Variants in SRD5A2 observed in about 807,000 individuals in gnomAD.
The protein encoded by SRD5A2 is 3-oxo-5-alpha-steroid 4-dehydrogenase 2.
A neutral mutation model predicts 27.4 loss-of-function variants in SRD5A2; 30 were observed. The observed-to-expected ratio is 1.10, with a 90% CI of 0.82 to 1.49. The LOEUF is 1.49. SRD5A2 is among the 40% of genes most tolerant of loss of function. The pLI is 0.00. For synonymous variants in SRD5A2, 141 were observed against 133.6 expected, an observed-to-expected ratio of 1.06 and a Z score of -0.38; for missense variants, 348 against 323.4, an observed-to-expected ratio of 1.08 and a Z score of -0.58.
At chr2:31,557,416 C>T (rs535225984) in intron 1 of SRD5A2, among the ~76,000 whole-genome samples, 1 of 152,332 alleles carries the variant, frequency 6.6e-6, no homozygotes, top group South Asian at 2.1e-4. Context: ...TCTATGTCTA[C>T]ACAGAGAAAT....
chr2:31,661,681 C>A, the SRD5A2 span, among the ~76,000 whole-genome samples: 1 of 152,178 alleles, frequency 6.6e-6, no homozygotes, highest in Non-Finnish European at 1.5e-5. Flanking sequence ...GTTCGGGATT[C>A]TCCAAGACTC....
the SRD5A2 span, among the ~76,000 whole-genome samples, chr2:31,594,058 G>T: frequency 6.6e-6 from 1 of 152,038 alleles, no homozygotes; most frequent in Non-Finnish European, 1.5e-5. Context: ...TCTAAATATT[G>T]AAACAAAAAC....
chr2:31,567,511 T>C (rs13395648), intron 1 of SRD5A2, among the ~76,000 whole-genome samples: 16,228 of 150,886 alleles, frequency 0.11, 944 homozygotes, highest in Middle Eastern at 0.18. Context: ...TCATGTCACA[T>C]GAAGCCATGT....
At chr2:31,658,044 T>C in the SRD5A2 span, among the ~76,000 whole-genome samples, 2 of 152,134 alleles carry the variant, frequency 1.3e-5, no homozygotes, top group Admixed American at 1.3e-4. Flanking sequence ...CTAGAAGTAC[T>C]AGCCTCAGAG....
chr2:31,540,548 T>A (rs1271201820), intron 1 of SRD5A2, among the ~76,000 whole-genome samples: 1 of 152,210 alleles, frequency 6.6e-6, no homozygotes, highest in Admixed American at 6.5e-5. Context: ...AGGGAGAGCA[T>A]CCTGGGGAGC....
upstream of SRD5A2, chr2:31,581,065 G>A: frequency 2.8e-6 from 2 of 707,604 alleles, no homozygotes; most frequent in Non-Finnish European, 4.5e-6. Flanking sequence ...GGCGCGGTTC[G>A]CAGCAATACC....
chr2:31,582,817 C>A (rs886953868), upstream of SRD5A2, among the ~76,000 whole-genome samples: 5 of 152,166 alleles, frequency 3.3e-5, no homozygotes, highest in Non-Finnish European at 2.9e-5. Context: ...CCTCAATTGC[C>A]ATAGCCTCCC....
In SRD5A2 at chr2:31,554,971, G is replaced by GTA. The variant is rs1227173634; in HGVS notation, c.282-21206_282-21205insTA. Among the ~76,000 whole-genome samples the GTA allele has an allele frequency of 5.9e-3, 797 of 134,534 alleles. 4 individuals are homozygous for GTA. The highest frequency in any genetic ancestry group is 0.022 in the East Asian group (104 of 4,684). 88.3% of individuals were successfully genotyped at this position (134,534 alleles called of 152,430 possible). A position where few individuals can be genotyped will look rare whatever the true frequency, so the allele number is the denominator to read the frequency against. On this transcript the variant is annotated intron_variant, in intron 1 of 4. Coordinates refer to ENST00000622030, the MANE Select transcript of SRD5A2 (RefSeq NM_000348.4). ...TGTGTGTGTGTGTGTGTGTGTGTAT[G>GTA]TGTGTGTGTGTGTTACCGCCAGGCC...
intron 1 of SRD5A2, among the ~76,000 whole-genome samples, chr2:31,537,793 T>C (rs1405616839): frequency 6.6e-6 from 1 of 151,816 alleles, no homozygotes; most frequent in Non-Finnish European, 1.5e-5. Flanking sequence ...TTTTAGGAGG[T>C]GTTTAGGTCA....
At chr2:31,542,957 C>G (rs1028123904) in intron 1 of SRD5A2, among the ~76,000 whole-genome samples, 10 of 152,174 alleles carry the variant, frequency 6.6e-5, no homozygotes, top group African/African-American at 2.4e-4. Flanking sequence ...TCAATTAACT[C>G]CAAGTAAGAT....
chr2:31,545,687 A>G (rs1194896311), intron 1 of SRD5A2, among the ~76,000 whole-genome samples: 3 of 152,312 alleles, frequency 2.0e-5, no homozygotes, highest in South Asian at 4.1e-4. Flanking sequence ...TTTCTATTCA[A>G]CATAGTGCTA....
intron 2 of SRD5A2, among the ~76,000 whole-genome samples, chr2:31,533,030 A>T (rs1665948750): frequency 6.6e-6 from 1 of 152,190 alleles, no homozygotes; most frequent in South Asian, 2.1e-4. Flanking sequence ...GCCTGACACA[A>T]ATTCGTACAC....
intron 1 of SRD5A2, among the ~76,000 whole-genome samples, chr2:31,559,288 A>C (rs191281448): frequency 6.6e-6 from 1 of 152,242 alleles, no homozygotes; most frequent in East Asian, 1.9e-4. Context: ...CAAGAAAAAA[A>C]TGAGTAAGCT....
At chr2:31,550,902 T>C (rs185494445) in intron 1 of SRD5A2, among the ~76,000 whole-genome samples, 28 of 152,052 alleles carry the variant, frequency 1.8e-4, no homozygotes, top group Admixed American at 3.3e-4. Context: ...GAAAAAAATT[T>C]ATAGATTAGA....
At chr2:31,562,739 C>G (rs757805353) in intron 1 of SRD5A2, among the ~76,000 whole-genome samples, 1 of 152,074 alleles carries the variant, frequency 6.6e-6, no homozygotes, top group African/African-American at 2.4e-5. Flanking sequence ...TCACCACTTG[C>G]GTGATGGGAT....
At chr2:31,551,114 C>T (rs1249935817) in intron 1 of SRD5A2, among the ~76,000 whole-genome samples, 2 of 151,884 alleles carry the variant, frequency 1.3e-5, no homozygotes, top group Admixed American at 6.6e-5. Context: ...TACGATGACC[C>T]CAAAACTACC....
chr2:31,573,383 G>A (rs942224988), intron 1 of SRD5A2, among the ~76,000 whole-genome samples: 34 of 152,274 alleles, frequency 2.2e-4, no homozygotes, highest in African/African-American at 7.5e-4. Flanking sequence ...CTCCTATGTT[G>A]AGCTGAGTCT....
the SRD5A2 span, among the ~76,000 whole-genome samples, chr2:31,656,280 C>G: frequency 6.6e-6 from 1 of 152,176 alleles, no homozygotes; most frequent in Non-Finnish European, 1.5e-5. Flanking sequence ...TCCTTCTTTA[C>G]TTGGCTCTCA....
the SRD5A2 span, among the ~76,000 whole-genome samples, chr2:31,644,140 C>T: frequency 3.3e-5 from 5 of 152,122 alleles, no homozygotes; most frequent in African/African-American, 4.8e-5. Context: ...ACATCACTTC[C>T]GTGCTAATCC....
Sources: allele counts gnomAD v4.1 joint callset (sites outside exome capture counted in the v4.1 genomes callset), GRCh38; gene constraint gnomAD v4.1.1; transcripts MANE v1.5; gene names NCBI Gene and HGNC (gene_info 2026-07-23, HGNC 2026-07-21).